Variants in ENTREP2 observed in about 807,000 individuals in gnomAD.
ENTREP2 encodes the protein protein ENTREP2.
chr15:29,461,343 T>G, the ENTREP2 span, among the ~76,000 whole-genome samples: 3 of 152,132 alleles, frequency 2.0e-5, 1 homozygote, highest in Middle Eastern at 3.2e-3. Flanking sequence ...AAAACATGAG[T>G]TGCTTCTCAA....
chr15:29,560,612 A>G, the ENTREP2 span, among the ~76,000 whole-genome samples: 2 of 151,620 alleles, frequency 1.3e-5, no homozygotes, highest in African/African-American at 4.9e-5. Context: ...GCTCCGCCAC[A>G]CCTCTGTTTT....
chr15:29,442,945 G>A, the ENTREP2 span, among the ~76,000 whole-genome samples: 175 of 152,302 alleles, frequency 1.1e-3, 2 homozygotes, highest in Non-Finnish European at 5.1e-4. Context: ...TCAGGGCACA[G>A]CCTCAGTCCT....
At chr15:29,383,139 C>T in the ENTREP2 span, among the ~76,000 whole-genome samples, 1 of 152,162 alleles carries the variant, frequency 6.6e-6, no homozygotes, top group East Asian at 1.9e-4. Flanking sequence ...TCTGTGGTGG[C>T]TGTCCTGAGG....
chr15:29,302,603 T>C, the ENTREP2 span, among the ~76,000 whole-genome samples: 3 of 152,128 alleles, frequency 2.0e-5, no homozygotes, highest in Non-Finnish European at 4.4e-5. Flanking sequence ...ATGGGCATAT[T>C]TATAACCCTA....
At chr15:29,362,891 G>A in the ENTREP2 span, among the ~76,000 whole-genome samples, 3 of 152,060 alleles carry the variant, frequency 2.0e-5, no homozygotes, top group Non-Finnish European at 4.4e-5. Flanking sequence ...GTTTCCTTAT[G>A]TTATACTTTA....
chr15:29,451,896 A>G, the ENTREP2 span, among the ~76,000 whole-genome samples: 2 of 152,260 alleles, frequency 1.3e-5, no homozygotes, highest in Admixed American at 6.5e-5. Context: ...AATCCTGCTC[A>G]GCAGTAGATA....
At chr15:29,672,598 T>C in the ENTREP2 span, among the ~76,000 whole-genome samples, 3 of 152,074 alleles carry the variant, frequency 2.0e-5, no homozygotes, top group African/African-American at 7.2e-5. Flanking sequence ...CCCAATGGGC[T>C]CTCCATACCC....
At chr15:29,158,222 G>A in the ENTREP2 span, among the ~76,000 whole-genome samples, 1 of 152,020 alleles carries the variant, frequency 6.6e-6, no homozygotes, top group Non-Finnish European at 1.5e-5. Context: ...GTTTGCATAC[G>A]CATCATGAGG....
chr15:29,123,156 C>G, the ENTREP2 span: 1 of 605,690 alleles, frequency 1.7e-6, no homozygotes. Context: ...CACTGCTCGG[C>G]TCCCCTCGAG....
At chr15:29,357,834 G>A in the ENTREP2 span, among the ~76,000 whole-genome samples, 4 of 149,242 alleles carry the variant, frequency 2.7e-5, no homozygotes, top group South Asian at 2.1e-4. Flanking sequence ...GCAAGAGAGC[G>A]AGACTCTGAA....
chr15:29,583,254 G>T, the ENTREP2 span, among the ~76,000 whole-genome samples: 1 of 152,132 alleles, frequency 6.6e-6, no homozygotes, highest in Non-Finnish European at 1.5e-5. Flanking sequence ...AAAGGACACA[G>T]ATAGACTGAA....
At chr15:29,226,574 C>T in the ENTREP2 span, among the ~76,000 whole-genome samples, 1 of 152,238 alleles carries the variant, frequency 6.6e-6, no homozygotes, top group African/African-American at 2.4e-5. Context: ...TCAAGCCAGA[C>T]AGTCCAGCAG....
the ENTREP2 span, among the ~76,000 whole-genome samples, chr15:29,627,702 G>T: frequency 6.6e-6 from 1 of 151,978 alleles, no homozygotes; most frequent in African/African-American, 2.4e-5. Flanking sequence ...CTATACATTT[G>T]CCAGTCCTAG....
the ENTREP2 span, among the ~76,000 whole-genome samples, chr15:29,445,430 G>A: frequency 8.5e-3 from 1,298 of 152,202 alleles, 16 homozygotes; most frequent in African/African-American, 0.028. Flanking sequence ...TCACCTTAGG[G>A]AAGGGAAGAG....
At chr15:29,560,514 C>T in the ENTREP2 span, among the ~76,000 whole-genome samples, 21 of 152,128 alleles carry the variant, frequency 1.4e-4, no homozygotes, top group Non-Finnish European at 3.1e-4. Flanking sequence ...CAGCCCTGCC[C>T]TTGCTGTGTC....
the ENTREP2 span, among the ~76,000 whole-genome samples, chr15:29,629,078 G>A: frequency 2.6e-5 from 4 of 152,030 alleles, 1 homozygote; most frequent in Non-Finnish European, 4.4e-5. Flanking sequence ...ATTATGTAAT[G>A]TCCCTGGTAA....
At chr15:29,368,405 C>T in the ENTREP2 span, among the ~76,000 whole-genome samples, 1 of 151,534 alleles carries the variant, frequency 6.6e-6, no homozygotes, top group South Asian at 2.1e-4. Flanking sequence ...CACATACACA[C>T]ACACACATAT....
chr15:29,615,536 T>G, the ENTREP2 span, among the ~76,000 whole-genome samples: 1 of 152,210 alleles, frequency 6.6e-6, no homozygotes, highest in African/African-American at 2.4e-5. Flanking sequence ...TCCCTTAGCC[T>G]CTAGAAATGC....
the ENTREP2 span, among the ~76,000 whole-genome samples, chr15:29,638,660 T>G: frequency 1.8e-4 from 27 of 152,184 alleles, no homozygotes; most frequent in Admixed American, 1.8e-3. Context: ...GAGGATCCCT[T>G]CAGGCCAGGA....
Sources: gnomAD v4.1 joint callset for allele counts (sites outside exome capture counted in the v4.1 genomes callset) on GRCh38, gnomAD v4.1.1 for gene constraint, MANE v1.5 for transcripts, NCBI Gene and HGNC (gene_info 2026-07-23, HGNC 2026-07-21) for gene names.